FBXO11: variants seen among roughly 807,000 people sequenced by gnomAD.
FBXO11 encodes the protein F-box only protein 11.
In FBXO11, 13 loss-of-function variants were observed where a neutral mutation model predicts 117.0. The ratio of observed to expected loss-of-function variants is 0.11; its 90% CI spans 0.07 to 0.18. The LOEUF (loss-of-function observed/expected upper bound fraction) is 0.18. Among genes scored for constraint, FBXO11 ranks in the 10% least tolerant of loss-of-function variants. FBXO11 has a pLI of 1.00. For missense variants in FBXO11, 767 were observed against 1,164.4 expected (o/e 0.66, Z 4.97); for synonymous variants, 490 against 380.5 (o/e 1.29, Z -3.35).
At chr2:47,821,066 C>A (rs899561165) in intron 13 of FBXO11, among the ~76,000 whole-genome samples, 1 of 152,208 alleles carries the variant, frequency 6.6e-6, no homozygotes, top group Non-Finnish European at 1.5e-5. Context: ...TATTAAAAAA[C>A]AGAGTGAAAC....
chr2:47,869,635 C>T (rs939570446), intron 1 of FBXO11, among the ~76,000 whole-genome samples: 1 of 151,770 alleles, frequency 6.6e-6, no homozygotes, highest in Non-Finnish European at 1.5e-5. Flanking sequence ...TTGCTGAAGG[C>T]AAAAAGAGTA....
chr2:47,879,103 T>A (rs1399728919), intron 1 of FBXO11, among the ~76,000 whole-genome samples: 1 of 152,170 alleles, frequency 6.6e-6, no homozygotes, highest in Non-Finnish European at 1.5e-5. Flanking sequence ...AATATGAATA[T>A]AAATTATGCA....
chr2:47,839,823 A>G (rs905174346), intron 1 of FBXO11, 54 bp from the exon 2 acceptor site: 7 of 1,525,532 alleles, frequency 4.6e-6, no homozygotes, highest in African/African-American at 2.8e-5. Flanking sequence ...AAAAAGTTCT[A>G]TGGATACAGA....
At chr2:47,818,897 A>C in intron 15 of FBXO11, 33 bp from the exon 16 acceptor site, 1 of 1,575,118 alleles carries the variant, frequency 6.3e-7, no homozygotes, top group Non-Finnish European at 8.6e-7. Context: ...AAGCTTTTTC[A>C]AGGGACAAGT....
rs191884989 is a variant in FBXO11, at chr2:47,884,396, C to A, written c.232+21093G>T. 7.1e-3 allele frequency among the ~76,000 whole-genome samples: 1,084 copies of A among 152,314 alleles called. 75 individuals are homozygous for A. Among genetic ancestry groups the A allele is most frequent in the Admixed American group, 0.063 (959 of 15,302 alleles). ...TTTACCTTTTGAACTTCAACATGAA[C>A]CCCTTACTGTCAGTAAGTATATTTA... On this transcript the variant is annotated intron_variant, in intron 1 of 22. Coordinates refer to ENST00000403359, the MANE Select transcript of FBXO11 (RefSeq NM_001190274.2).
intron 1 of FBXO11, among the ~76,000 whole-genome samples, chr2:47,897,469 G>C (rs556236157): frequency 6.6e-6 from 1 of 152,214 alleles, no homozygotes; most frequent in Admixed American, 6.5e-5. Flanking sequence ...GGCTTAGGCG[G>C]GCAGATCACT....
rs2104812123 is a variant in FBXO11, at chr2:47,833,076, GAGA to G, written c.935-9_935-7del. 6.3e-7 allele frequency: 1 copy of G among 1,586,036 alleles called. No individual in the cohort carries two copies. On this transcript the variant is annotated splice_region_variant and splice_polypyrimidine_tract_variant and intron_variant, in intron 7 of 22. Coordinates refer to ENST00000403359, the MANE Select transcript of FBXO11 (RefSeq NM_001190274.2). ...GTCTGCCACTTTCCCAGGTGCTGTG[GAGA>G]AGATATTTTAAAGAATATTACCTTT...
intron 7 of FBXO11, 41 bp downstream of exon 7, chr2:47,834,538 G>C (rs140666713): frequency 2.3e-5 from 34 of 1,457,624 alleles, no homozygotes; most frequent in Non-Finnish European, 2.9e-5. Context: ...ACATAAATGA[G>C]TAAAATATTA....
Position 47,821,338 on chromosome 2 carries a change from C to T in FBXO11, c.1702+880G>A, listed in dbSNP as rs1034944905. Among the ~76,000 whole-genome samples the T allele has an allele frequency of 2.2e-4, 34 of 151,800 alleles. 1 individual carries two copies. The highest frequency in any genetic ancestry group is 2.1e-3 in the Admixed American group (32 of 15,228). ...TTAAAAATGCAAAAATGGCCAGGCG[C>T]GGTGGCTCACACCTGTAATCCCAGC... On this transcript the variant is annotated intron_variant, in intron 13 of 22. Coordinates refer to ENST00000403359, the MANE Select transcript of FBXO11 (RefSeq NM_001190274.2).
At chr2:47,857,018 T>C (rs1322003545) in intron 1 of FBXO11, among the ~76,000 whole-genome samples, 3 of 152,208 alleles carry the variant, frequency 2.0e-5, no homozygotes, top group Non-Finnish European at 2.9e-5. Context: ...AATGTGATAA[T>C]GGGATAAACT....
chr2:47,868,126 T>C (rs1675334523), intron 1 of FBXO11, among the ~76,000 whole-genome samples: 2 of 152,000 alleles, frequency 1.3e-5, no homozygotes, highest in Admixed American at 6.6e-5. Flanking sequence ...TTCAAGCCAG[T>C]GTTACTGGAT....
intron 1 of FBXO11, among the ~76,000 whole-genome samples, chr2:47,896,102 C>A (rs1034557936): frequency 6.6e-6 from 1 of 152,184 alleles, no homozygotes; most frequent in Non-Finnish European, 1.5e-5. Context: ...ACATACTCTA[C>A]TTCTCTCCCT....
intron 1 of FBXO11, among the ~76,000 whole-genome samples, chr2:47,843,338 T>C (rs1673156079): frequency 6.6e-6 from 1 of 152,206 alleles, no homozygotes; most frequent in Non-Finnish European, 1.5e-5. Flanking sequence ...TCTCTATGCT[T>C]ACATTTTTTC....
intron 19 of FBXO11, chr2:47,810,000 T>C (rs1670504158): frequency 2.0e-6 from 1 of 491,458 alleles, no homozygotes; most frequent in Non-Finnish European, 3.6e-6. Flanking sequence ...CTGTTGCAGA[T>C]TTAAACTGGT....
Position 47,808,061 on chromosome 2 carries a change from A to T in FBXO11, c.*57T>A. On this transcript the variant is annotated 3_prime_UTR_variant, in exon 23 of 23. Transcript: ENST00000403359. ...GCAAATATTTTAAATCTTCTTCCAA[A>T]AAAGTGTTTTAAGTTATGATGTTAC... 1 of 1,462,014 alleles carries T rather than the reference A, an allele frequency of 6.8e-7. No individual in the cohort carries two copies. Among genetic ancestry groups the T allele is most frequent in the Non-Finnish European group, 9.4e-7 (1 of 1,068,962 alleles). 90.6% of individuals were successfully genotyped at this position (1,462,014 alleles called of 1,614,324 possible). A position where few individuals can be genotyped will look rare whatever the true frequency, so the allele number is the denominator to read the frequency against.
intron 1 of FBXO11, among the ~76,000 whole-genome samples, chr2:47,866,245 CA>C (rs57654823): frequency 0.13 from 7,608 of 58,476 alleles, 150 homozygotes; most frequent in African/African-American, 0.2. Context: ...CCTTCTGCTT[CA>C]AAAAAAAAAA....
Position 47,834,650 on chromosome 2 carries a change from A to G in FBXO11, c.863T>C (p.Ile288Thr), listed in dbSNP as rs765646332. 2.2e-5 allele frequency: 36 copies of G among 1,609,836 alleles called. No homozygotes were observed. The highest frequency in any genetic ancestry group is 2.8e-5 in the Non-Finnish European group (33 of 1,177,136). ...AGTATATATTCCAGAATGAACAAAG[A>G]TAAGTCCATCAAAATGAGCCTCTTG... is the stretch of plus-strand genomic sequence containing the variant. ...GVQEAHFDGL[I>T]FVHSGIYTDE... Residue 288 changes from isoleucine to threonine, a missense_variant, in exon 7 of 23, where the codon ATC (isoleucine) becomes ACC (threonine). Coordinates refer to ENST00000403359, the MANE Select transcript of FBXO11 (RefSeq NM_001190274.2).
chr2:47,863,572 G>A (rs1214622748), intron 1 of FBXO11, among the ~76,000 whole-genome samples: 1 of 152,134 alleles, frequency 6.6e-6, no homozygotes, highest in Admixed American at 6.5e-5. Context: ...GTTTCCCCTA[G>A]TTCTCACTAG....
At chr2:47,875,611 T>C (rs906654112) in intron 1 of FBXO11, among the ~76,000 whole-genome samples, 2 of 152,040 alleles carry the variant, frequency 1.3e-5, no homozygotes, top group African/African-American at 4.8e-5. Flanking sequence ...TCATAATGGA[T>C]GTTAGGTTTA....
Sources: allele counts gnomAD v4.1 joint callset (sites outside exome capture counted in the v4.1 genomes callset), GRCh38; gene constraint gnomAD v4.1.1; transcripts MANE v1.5; gene names NCBI Gene and HGNC (gene_info 2026-07-23, HGNC 2026-07-21).